Variants in MRPS6 observed in about 807,000 individuals in gnomAD.
The protein encoded by MRPS6 is mitochondrial ribosomal protein S6.
Under a neutral mutation model 13.1 loss-of-function variants are expected in MRPS6, and 6 were observed. The ratio of observed to expected loss-of-function variants is 0.46; its 90% confidence interval spans 0.25 to 0.91. The LOEUF (loss-of-function observed/expected upper bound fraction) is 0.91. Ranked by LOEUF, MRPS6 falls within the 40% of genes least tolerant of loss-of-function variation. The pLI, the probability that MRPS6 is intolerant of heterozygous loss-of-function variation, is 0.18. For missense variants in MRPS6, 164 were observed against 155.6 expected (o/e 1.05, Z -0.29); for synonymous variants, 61 against 56.5 (o/e 1.08, Z -0.36).
chr21:34,106,143 A>G (rs2148663318), intron 1 of MRPS6: 5 of 994,404 alleles, frequency 5.0e-6, no homozygotes, highest in East Asian at 2.3e-4. Flanking sequence ...AAGATGAACT[A>G]CATTTCTTGC....
intron 1 of MRPS6, chr21:34,101,234 T>C (rs1244746603): frequency 1.0e-6 from 1 of 1,000,024 alleles, no homozygotes; most frequent in Admixed American, 6.2e-5. Flanking sequence ...AGAATCATTT[T>C]CATTAGATTT....
intron 1 of MRPS6, chr21:34,102,879 C>T (rs1315611556): frequency 1.0e-6 from 1 of 999,748 alleles, no homozygotes; most frequent in African/African-American, 1.7e-5. Flanking sequence ...ATACATATTA[C>T]AGTGAATTCG....
At chr21:34,137,963 A>G (rs1369550525) in intron 2 of MRPS6, among the ~76,000 whole-genome samples, 2 of 151,912 alleles carry the variant, frequency 1.3e-5, no homozygotes, top group African/African-American at 4.8e-5. Context: ...TGGTCATGGT[A>G]TATTGTATTT....
At chr21:34,104,848 T>G (rs1979406151) in intron 1 of MRPS6, 3 of 999,938 alleles carry the variant, frequency 3.0e-6, no homozygotes, top group Non-Finnish European at 3.6e-6. Context: ...AAATTTAAGA[T>G]AGTTTGTAAG....
intron 1 of MRPS6, among the ~76,000 whole-genome samples, chr21:34,084,080 T>C (rs1272864412): frequency 6.6e-6 from 1 of 152,214 alleles, no homozygotes; most frequent in Non-Finnish European, 1.5e-5. Flanking sequence ...TTTCTACCAG[T>C]CCCTCCAAAT....
chr21:34,076,994 C>CT (rs370497785), intron 1 of MRPS6, among the ~76,000 whole-genome samples: 153 of 152,292 alleles, frequency 1.0e-3, no homozygotes, highest in African/African-American at 3.6e-3. Context: ...AGGAAGACCT[C>CT]TGACAATGGA....
At chr21:34,114,153 C>T (rs1328958827) in intron 1 of MRPS6, among the ~76,000 whole-genome samples, 3 of 152,140 alleles carry the variant, frequency 2.0e-5, no homozygotes, top group Non-Finnish European at 2.9e-5. Flanking sequence ...AAATGGAAAC[C>T]TCTCAGCAAG....
In MRPS6 at chr21:34,102,622, T is replaced by C. The variant is rs374314673; in HGVS notation, c.46-22719T>C. 4.5e-5 allele frequency: 45 copies of C among 1,000,222 alleles called. No homozygotes were observed. The East Asian group carries it at 1.9e-3, about 43-fold the overall frequency. The allele number at this position is 1,000,222 out of a possible 1,614,324, so 62.0% of individuals were successfully genotyped here. A position where few individuals can be genotyped will look rare whatever the true frequency, so the allele number is the denominator to read the frequency against. ...AAACCAATAACTGTACTTTATGTAA[T>C]GACTCTTAAATTTGGTTACCTGGGT... On this transcript the variant is annotated intron_variant, in intron 1 of 2. Coordinates refer to ENST00000399312, the MANE Select transcript of MRPS6 (RefSeq NM_032476.4).
chr21:34,081,680 T>TG (rs1569412804), intron 1 of MRPS6, among the ~76,000 whole-genome samples: 1 of 152,180 alleles, frequency 6.6e-6, no homozygotes, highest in Non-Finnish European at 1.5e-5. Context: ...GTAATTCATT[T>TG]GGGAGGGTAT....
At chr21:34,074,461 TTTGA>T in intron 1 of MRPS6, among the ~76,000 whole-genome samples, 1 of 152,290 alleles carries the variant, frequency 6.6e-6, no homozygotes, top group South Asian at 2.1e-4. Flanking sequence ...TCCCCCTGCT[TTTGA>T]TTGATCTTGA....
At chr21:34,106,383 G>A (rs927180613) in intron 1 of MRPS6, 2 of 169,734 alleles carry the variant, frequency 1.2e-5, no homozygotes. Flanking sequence ...GGTTTCCAGT[G>A]AATTTCCCCC....
chr21:34,125,234 T>C (rs1257550650), intron 1 of MRPS6, 107 bp from the exon 2 acceptor site: 1 of 1,476,934 alleles, frequency 6.8e-7, no homozygotes, highest in East Asian at 2.4e-5. Flanking sequence ...CAGCGATTCC[T>C]ACCAGTAGAG....
chr21:34,137,080 T>A (rs986579276), intron 2 of MRPS6, among the ~76,000 whole-genome samples: 12 of 152,236 alleles, frequency 7.9e-5, no homozygotes, highest in Non-Finnish European at 1.5e-4. Context: ...CATAGCTTTA[T>A]AATAAGTCTT....
chr21:34,115,691 G>C (rs1430916440), intron 1 of MRPS6, among the ~76,000 whole-genome samples: 5 of 152,046 alleles, frequency 3.3e-5, no homozygotes, highest in South Asian at 2.1e-4. Context: ...ACAAATTATG[G>C]TATCTGTGGC....
At chr21:34,134,130 G>A (rs2834385) in intron 2 of MRPS6, among the ~76,000 whole-genome samples, 56,060 of 152,106 alleles carry the variant, frequency 0.37, 11,191 homozygotes, top group East Asian at 0.66. Flanking sequence ...CTAACTCAAA[G>A]TAAGTAATCA....
chr21:34,096,070 A>G lies in MRPS6; in HGVS notation c.45+22325A>G. On this transcript the variant is annotated intron_variant, in intron 1 of 2. Coordinates refer to ENST00000399312, the MANE Select transcript of MRPS6 (RefSeq NM_032476.4). The surrounding 1 kb of genome is among the most constrained non-coding windows in gnomAD (Gnocchi z 5.9). ...GTGCAGAGGGTCCTTGCAGCCAAAA[A>G]CATTGCTCATGCCAAAGGCTCTACT... 1.2e-6 allele frequency: 2 copies of G among 1,614,084 alleles called. No homozygotes were observed. Among genetic ancestry groups the G allele is most frequent in the Non-Finnish European group, 1.7e-6 (2 of 1,179,988 alleles).
intron 1 of MRPS6, chr21:34,104,442 TA>T (rs1360126254): frequency 1.0e-6 from 1 of 999,874 alleles, no homozygotes; most frequent in Non-Finnish European, 1.2e-6. Context: ...GCCCATGTGT[TA>T]AAAGATGTAA....
intron 2 of MRPS6, chr21:34,135,788 T>C (rs770639230): frequency 5.4e-5 from 28 of 515,350 alleles, no homozygotes; most frequent in African/African-American, 1.2e-4. Flanking sequence ...CGCACAGTCA[T>C]GAGCTTCTTG....
chr21:34,090,162 T>TAC (rs1359550415), intron 1 of MRPS6, among the ~76,000 whole-genome samples: 2 of 152,234 alleles, frequency 1.3e-5, no homozygotes, highest in African/African-American at 4.8e-5. Context: ...TAGCTCCACT[T>TAC]ACAATTTAAA....
Sources: gnomAD v4.1 joint callset for allele counts (sites outside exome capture counted in the v4.1 genomes callset) on GRCh38, gnomAD v4.1.1 for gene constraint, Gnocchi (gnomAD v3.1) non-coding constraint, MANE v1.5 for transcripts, NCBI Gene and HGNC (gene_info 2026-07-23, HGNC 2026-07-21) for gene names.